The following DLG2 variants were observed in gnomAD, a reference collection of about 807,000 sequenced individuals.
DLG2 encodes discs large MAGUK scaffold protein 2, also known as disks large homolog 2.
In DLG2, 45 loss-of-function variants were observed where a neutral mutation model predicts 132.5. The observed-to-expected ratio is 0.34, with a 90% CI of 0.27 to 0.44. DLG2 has a LOEUF of 0.44. Ranked by LOEUF, DLG2 falls within the 20% of genes least tolerant of loss-of-function variation. The pLI, the probability that DLG2 is intolerant of heterozygous loss-of-function variation, is 1.00. For missense variants in DLG2, 1,045 were observed against 1,196.9 expected, an observed-to-expected ratio of 0.87 and a Z score of 1.87; for synonymous variants, 424 against 419.6, an observed-to-expected ratio of 1.01 and a Z score of -0.13.
chr11:85,520,469 A>G (rs891705244), intron 3 of DLG2, among the ~76,000 whole-genome samples: 2 of 151,716 alleles, frequency 1.3e-5, no homozygotes, highest in African/African-American at 4.8e-5. Flanking sequence ...TACCAATGGT[A>G]TTCTTCACAG....
intron 3 of DLG2, among the ~76,000 whole-genome samples, chr11:85,360,063 C>A (rs1247730366): frequency 6.6e-6 from 1 of 152,200 alleles, no homozygotes; most frequent in Non-Finnish European, 1.5e-5. Context: ...AGATTACCCA[C>A]AGGCATTATA....
intron 6 of DLG2, chr11:84,997,193 A>C (rs1311273500): frequency 6.5e-6 from 1 of 153,108 alleles, no homozygotes; most frequent in Non-Finnish European, 1.5e-5. Context: ...TGCACATCAA[A>C]AATTACACGA....
chr11:85,514,514 G>C (rs2094137373), intron 3 of DLG2, among the ~76,000 whole-genome samples: 1 of 151,812 alleles, frequency 6.6e-6, no homozygotes, highest in Non-Finnish European at 1.5e-5. Flanking sequence ...CTGGGTATAG[G>C]TACTTTACAG....
intron 5 of DLG2, among the ~76,000 whole-genome samples, chr11:85,122,553 C>T (rs1344272783): frequency 1.3e-5 from 2 of 152,092 alleles, no homozygotes; most frequent in African/African-American, 4.8e-5. Context: ...GCAGGGGAAA[C>T]AATGCAGACT....
chr11:84,960,607 T>C (rs2052411805), intron 6 of DLG2, among the ~76,000 whole-genome samples: 2 of 152,062 alleles, frequency 1.3e-5, no homozygotes, highest in South Asian at 4.2e-4. Flanking sequence ...GGCTAATTTC[T>C]TTTGTATTTT....
chr11:84,623,094 C>T (rs551721395), intron 6 of DLG2, among the ~76,000 whole-genome samples: 1 of 152,226 alleles, frequency 6.6e-6, no homozygotes, highest in East Asian at 1.9e-4. Context: ...GAGTACTATC[C>T]CAAACACCAC....
chr11:85,015,129 G>C (rs890035696), intron 6 of DLG2, among the ~76,000 whole-genome samples: 2 of 152,140 alleles, frequency 1.3e-5, no homozygotes, highest in African/African-American at 2.4e-5. Context: ...ATTTACAGAA[G>C]AAGTAGATGC....
chr11:83,680,893 TACA>T (rs1343527840), intron 18 of DLG2, among the ~76,000 whole-genome samples: 1 of 137,924 alleles, frequency 7.3e-6, no homozygotes, highest in Non-Finnish European at 1.7e-5. Context: ...AAAAAATGCA[TACA>T]TTTTTTTCAA....
At chr11:84,474,617 A>C (rs1489538310) in intron 7 of DLG2, among the ~76,000 whole-genome samples, 4 of 152,092 alleles carry the variant, frequency 2.6e-5, no homozygotes, top group Non-Finnish European at 5.9e-5. Context: ...CAGATAAATA[A>C]ATTTGTCCAA....
At chr11:84,022,151 A>G (rs1315005263) in intron 11 of DLG2, among the ~76,000 whole-genome samples, 4 of 152,182 alleles carry the variant, frequency 2.6e-5, no homozygotes, top group Non-Finnish European at 4.4e-5. Context: ...TTATATCCAC[A>G]GATGCCCTTC....
At chr11:84,048,073 C>T (rs530122550) in intron 11 of DLG2, among the ~76,000 whole-genome samples, 17 of 151,492 alleles carry the variant, frequency 1.1e-4, no homozygotes, top group African/African-American at 2.7e-4. Context: ...AAATTAACAA[C>T]GTGCATGCAC....
At chr11:83,779,415 A>T (rs1180663681) in intron 18 of DLG2, among the ~76,000 whole-genome samples, 4 of 152,224 alleles carry the variant, frequency 2.6e-5, no homozygotes, top group Non-Finnish European at 5.9e-5. Context: ...AAACAATAGC[A>T]ATTAACAACA....
chr11:84,404,622 A>G (rs1449948331), intron 7 of DLG2, among the ~76,000 whole-genome samples: 2 of 152,170 alleles, frequency 1.3e-5, no homozygotes, highest in Admixed American at 6.5e-5. Flanking sequence ...ATCTATGTAC[A>G]GGATGATTGA....
intron 2 of DLG2, among the ~76,000 whole-genome samples, chr11:85,609,547 G>A (rs2153266821): frequency 6.6e-6 from 1 of 152,258 alleles, no homozygotes; most frequent in South Asian, 2.1e-4. Flanking sequence ...CTTTAAAAAA[G>A]ATTGTCCAAT....
At chr11:84,170,819 C>T (rs936995182) in intron 8 of DLG2, among the ~76,000 whole-genome samples, 4 of 152,160 alleles carry the variant, frequency 2.6e-5, no homozygotes, top group Admixed American at 2.6e-4. Flanking sequence ...TGAGGTCCCT[C>T]CCAGCTCTGA....
intron 5 of DLG2, among the ~76,000 whole-genome samples, chr11:85,133,897 GA>G (rs745816966): frequency 5.3e-5 from 8 of 152,068 alleles, no homozygotes; most frequent in Admixed American, 3.9e-4. Flanking sequence ...TGAGGTGCTT[GA>G]CAAGCATCAC....
At chr11:83,522,476 C>A (rs942577841) in intron 21 of DLG2, among the ~76,000 whole-genome samples, 5 of 152,062 alleles carry the variant, frequency 3.3e-5, no homozygotes, top group East Asian at 1.9e-4. Flanking sequence ...ATCAAGAGAA[C>A]CTTCCTCTAA....
Position 83,618,469 on chromosome 11 carries a change from C to T in DLG2, c.1940+14742G>A, listed in dbSNP as rs374010059. 8.5e-5 allele frequency among the ~76,000 whole-genome samples: 13 copies of T among 152,174 alleles called. No individual in the cohort carries two copies. In the South Asian group the frequency reaches 1.0e-3, roughly 12 times the overall value. ...AATTTCTGAAATAGTTTGTATAAGA[C>T]GCTAGGTGATTTACAAACGTTATTC... On this transcript the variant is annotated intron_variant, in intron 19 of 27. Coordinates refer to ENST00000376104, the MANE Select transcript of DLG2 (RefSeq NM_001142699.3).
chr11:85,117,643 T>TA (rs1329852719), intron 5 of DLG2, among the ~76,000 whole-genome samples: 2,758 of 117,756 alleles, frequency 0.023, 46 homozygotes, highest in Admixed American at 0.052. Context: ...TAAATAGGAA[T>TA]AAAAAAAAAA....
Sources: gnomAD v4.1 joint callset for allele counts (sites outside exome capture counted in the v4.1 genomes callset) on GRCh38, gnomAD v4.1.1 for gene constraint, MANE v1.5 for transcripts, NCBI Gene and HGNC (gene_info 2026-07-23, HGNC 2026-07-21) for gene names.